The following EXOC6B variants were observed in gnomAD, a reference collection of about 807,000 sequenced individuals.
EXOC6B encodes SEC15 homolog B.
In EXOC6B, 54 loss-of-function variants were observed where a neutral mutation model predicts 113.5. The ratio of observed to expected loss-of-function variants is 0.48; its 90% CI spans 0.38 to 0.60. The LOEUF (loss-of-function observed/expected upper bound fraction) is 0.60. Ranked by LOEUF, EXOC6B falls within the 20% of genes least tolerant of loss-of-function variation. EXOC6B has a pLI of 0.00. For synonymous variants in EXOC6B, 357 were observed against 339.0 expected, an observed-to-expected ratio of 1.05 and a Z score of -0.58; for missense variants, 797 against 977.5, an observed-to-expected ratio of 0.82 and a Z score of 2.46.
intron 8 of EXOC6B, among the ~76,000 whole-genome samples, chr2:72,538,480 G>C (rs897998337): frequency 2.6e-5 from 4 of 152,026 alleles, no homozygotes; most frequent in African/African-American, 9.7e-5. Context: ...TCTTATTTCA[G>C]TATGCAAATC....
At chr2:72,655,761 T>C (rs1410243138) in intron 6 of EXOC6B, among the ~76,000 whole-genome samples, 1 of 152,090 alleles carries the variant, frequency 6.6e-6, no homozygotes, top group African/African-American at 2.4e-5. Flanking sequence ...AATTGCACTT[T>C]TAGTAGAAAA....
rs567001498 is a variant in EXOC6B, at chr2:72,658,568, T to C, written c.669+59535A>G. On this transcript the variant is annotated intron_variant, in intron 6 of 21. Transcript: ENST00000272427. ...TATATAACTAATCACTCTGACACTA[T>C]AGTACTAGAGTCAACATAGAGCTTC... Among the ~76,000 whole-genome samples the C allele has an allele frequency of 3.3e-5, 5 of 152,014 alleles. No homozygotes were observed. The East Asian group carries it at 7.8e-4, about 24-fold the overall frequency.
intron 7 of EXOC6B, among the ~76,000 whole-genome samples, chr2:72,562,432 C>A (rs1459091192): frequency 6.6e-6 from 1 of 152,104 alleles, no homozygotes; most frequent in East Asian, 1.9e-4. Context: ...TCTTCCTTTT[C>A]TTTGACCCTG....
chr2:72,779,540 T>C (rs905551796), intron 1 of EXOC6B, among the ~76,000 whole-genome samples: 3 of 152,178 alleles, frequency 2.0e-5, no homozygotes, highest in Non-Finnish European at 4.4e-5. Context: ...TTTTTCTAAC[T>C]ATTGCCATAT....
At chr2:72,288,386 C>T (rs1295070738) in intron 20 of EXOC6B, among the ~76,000 whole-genome samples, 1 of 151,930 alleles carries the variant, frequency 6.6e-6, no homozygotes, top group African/African-American at 2.4e-5. Context: ...CACAGCAGCA[C>T]TATTTGTAAA....
chr2:72,558,305 A>T (rs982619334), intron 8 of EXOC6B, among the ~76,000 whole-genome samples: 5 of 152,160 alleles, frequency 3.3e-5, no homozygotes, highest in Non-Finnish European at 7.4e-5. Flanking sequence ...GAGGAGAAAG[A>T]GAGAAGAAAA....
intron 6 of EXOC6B, among the ~76,000 whole-genome samples, chr2:72,619,636 TGAGA>T (rs562553686): frequency 6.6e-6 from 1 of 152,078 alleles, no homozygotes; most frequent in African/African-American, 2.4e-5. Flanking sequence ...TCAAGAATAG[TGAGA>T]GAGTCAGCAC....
intron 20 of EXOC6B, chr2:72,263,286 T>G (rs967231927): frequency 6.6e-6 from 1 of 152,230 alleles, no homozygotes; most frequent in Non-Finnish European, 1.5e-5. Context: ...ACCTGAACTT[T>G]CCATGACTGA....
At chr2:72,746,984 C>T (rs926133384) in intron 1 of EXOC6B, among the ~76,000 whole-genome samples, 7 of 152,028 alleles carry the variant, frequency 4.6e-5, no homozygotes, top group Non-Finnish European at 8.8e-5. Context: ...TGCTACGATA[C>T]AATTAGGCCT....
At position 72,404,148 on chromosome 2, in the gene EXOC6B, G is replaced by A. The variant is rs1015413445; in HGVS notation, c.1981-24278C>T. On this transcript the variant is annotated intron_variant, in intron 18 of 21. Transcript: ENST00000272427. ...GTCTGATATCAAACTGCAAGGCAGC[G>A]GGGAGGCTGGGGGAGGGGCGCCCAC... Among the ~76,000 whole-genome samples, 38 of 152,162 alleles carry A rather than the reference G, an allele frequency of 2.5e-4. 1 individual carries two copies. The highest frequency in any genetic ancestry group is 1.6e-3 in the Admixed American group (24 of 15,290).
At chr2:72,258,906 A>G (rs1411425423) in intron 20 of EXOC6B, among the ~76,000 whole-genome samples, 1 of 152,196 alleles carries the variant, frequency 6.6e-6, no homozygotes, top group Non-Finnish European at 1.5e-5. Flanking sequence ...TACACTCACC[A>G]TCTAAATCTA....
intron 20 of EXOC6B, among the ~76,000 whole-genome samples, chr2:72,268,448 T>G (rs6546755): frequency 0.46 from 69,830 of 152,040 alleles, 21,082 homozygotes; most frequent in African/African-American, 0.86. Flanking sequence ...GTCATTATTG[T>G]CATGGAGAAA....
At chr2:72,216,345 C>T (rs1432718035) in intron 20 of EXOC6B, among the ~76,000 whole-genome samples, 3 of 152,066 alleles carry the variant, frequency 2.0e-5, no homozygotes, top group Non-Finnish European at 4.4e-5. Flanking sequence ...AAATTAAAAC[C>T]ACAATGATAT....
At chr2:72,221,475 G>A (rs979972333) in intron 20 of EXOC6B, among the ~76,000 whole-genome samples, 1 of 152,016 alleles carries the variant, frequency 6.6e-6, no homozygotes, top group Non-Finnish European at 1.5e-5. Flanking sequence ...ACTGCAACCT[G>A]TCCTCCCAAA....
intron 1 of EXOC6B, among the ~76,000 whole-genome samples, chr2:72,814,121 C>G (rs1278332422): frequency 6.6e-6 from 1 of 152,130 alleles, no homozygotes; most frequent in African/African-American, 2.4e-5. Context: ...TGTTCCAGGC[C>G]TGTGAAAACA....
chr2:72,611,617 G>A (rs958801073), intron 6 of EXOC6B, among the ~76,000 whole-genome samples: 9 of 152,120 alleles, frequency 5.9e-5, no homozygotes, highest in African/African-American at 2.2e-4. Context: ...TATGGGAACT[G>A]GTTGAGGAGG....
intron 1 of EXOC6B, among the ~76,000 whole-genome samples, chr2:72,810,039 T>C (rs967059911): frequency 1.3e-5 from 2 of 152,108 alleles, no homozygotes; most frequent in Admixed American, 1.3e-4. Flanking sequence ...TGAAATCATA[T>C]ACAGTATGTT....
intron 18 of EXOC6B, among the ~76,000 whole-genome samples, chr2:72,460,578 A>T (rs536970087): frequency 1.3e-5 from 2 of 152,280 alleles, no homozygotes; most frequent in Non-Finnish European, 2.9e-5. Flanking sequence ...AAAAGAAGAC[A>T]TTTATGCAGC....
chr2:72,383,400 CA>C (rs1212743263), intron 18 of EXOC6B, among the ~76,000 whole-genome samples: 1 of 152,034 alleles, frequency 6.6e-6, no homozygotes, highest in East Asian at 1.9e-4. Context: ...ACAAAATGTT[CA>C]ACGTCACCAA....
Sources: allele counts gnomAD v4.1 joint callset (sites outside exome capture counted in the v4.1 genomes callset), GRCh38; gene constraint gnomAD v4.1.1; transcripts MANE v1.5; gene names NCBI Gene and HGNC (gene_info 2026-07-23, HGNC 2026-07-21).